Variants in CDKAL1 observed in about 807,000 individuals in gnomAD.
The protein encoded by CDKAL1 is CDKAL1 threonylcarbamoyladenosine tRNA methylthiotransferase.
A neutral mutation model predicts 68.2 loss-of-function variants in CDKAL1; 32 were observed. The ratio of observed to expected loss-of-function variants is 0.47; its 90% CI spans 0.35 to 0.63. CDKAL1 has a LOEUF of 0.63. Ranked by LOEUF, CDKAL1 falls within the 30% of genes least tolerant of loss-of-function variation. The probability of loss-of-function intolerance (pLI) is 0.00; values close to 1 mark genes in which losing one functional copy is unlikely to be tolerated. For synonymous variants in CDKAL1, 234 were observed against 244.3 expected (o/e 0.96, Z 0.39); for missense variants, 606 against 696.7 (o/e 0.87, Z 1.47).
chr6:20,805,485 G>C (rs4607421), intron 8 of CDKAL1, among the ~76,000 whole-genome samples: 146,057 of 152,328 alleles, frequency 0.96, 70,033 homozygotes, highest in East Asian at 1. Context: ...TAAAAGCATA[G>C]TTTGAATATC....
At position 21,044,408 on chromosome 6, in the gene CDKAL1, A is replaced by G. The variant is rs1177747035; in HGVS notation, c.1056-20640A>G. Among the ~76,000 whole-genome samples, 4 of 152,134 alleles carry G rather than the reference A, an allele frequency of 2.6e-5. No individual in the cohort carries two copies. In the East Asian group the frequency reaches 7.7e-4, roughly 29 times the overall value. On this transcript the variant is annotated intron_variant, in intron 11 of 15. Transcript: ENST00000274695. ...TTAACTCAAGCCTTCATTCTAATAGACTTTACCACTCTGATACCTGGCTGG... is the reference window on the plus strand; with the variant it reads ...TTAACTCAAGCCTTCATTCTAATAGGCTTTACCACTCTGATACCTGGCTGG...
At position 20,578,195 on chromosome 6, in the gene CDKAL1, A is replaced by G. The variant is rs1014461463; in HGVS notation, c.286+29490A>G. On this transcript the variant is annotated intron_variant, in intron 4 of 15. Coordinates refer to ENST00000274695, the MANE Select transcript of CDKAL1 (RefSeq NM_017774.3). ...ATTTTTAAAAATTCAGGTATAATTT[A>G]TATCCAATAAAATGCATAGATCTTA... Among the ~76,000 whole-genome samples the G allele has an allele frequency of 2.6e-5, 4 of 152,334 alleles. No individual in the cohort carries two copies. In the East Asian group the frequency reaches 5.8e-4, roughly 22 times the overall value.
chr6:21,188,008 A>G (rs928962349), intron 13 of CDKAL1, among the ~76,000 whole-genome samples: 1 of 152,180 alleles, frequency 6.6e-6, no homozygotes, highest in Non-Finnish European at 1.5e-5. Flanking sequence ...CTTTTTTCAC[A>G]TATGTGCTGT....
intron 11 of CDKAL1, among the ~76,000 whole-genome samples, chr6:21,042,649 C>G (rs1769995995): frequency 6.6e-6 from 1 of 152,172 alleles, no homozygotes; most frequent in Admixed American, 6.6e-5. Context: ...GCCCCACTGT[C>G]ACTATCCTAT....
chr6:20,917,507 C>T (rs1232437461), intron 9 of CDKAL1, among the ~76,000 whole-genome samples: 1 of 152,048 alleles, frequency 6.6e-6, no homozygotes, highest in Non-Finnish European at 1.5e-5. Flanking sequence ...ATATTTATAT[C>T]ACACATTTTT....
chr6:21,185,404 T>G (rs1777969017), intron 13 of CDKAL1, among the ~76,000 whole-genome samples: 1 of 152,212 alleles, frequency 6.6e-6, no homozygotes, highest in Admixed American at 6.5e-5. Context: ...TGCTTAAAGC[T>G]TTTATCTTTG....
chr6:20,545,612 T>C (rs1304246316), intron 2 of CDKAL1, among the ~76,000 whole-genome samples: 1 of 152,082 alleles, frequency 6.6e-6, no homozygotes, highest in Non-Finnish European at 1.5e-5. Flanking sequence ...AATTTTGTAC[T>C]TTTAAAAGAG....
intron 9 of CDKAL1, among the ~76,000 whole-genome samples, chr6:20,878,369 A>G (rs1760640414): frequency 6.6e-6 from 1 of 152,086 alleles, no homozygotes; most frequent in Non-Finnish European, 1.5e-5. Context: ...CACAGAACCT[A>G]CCCTGCCTTT....
chr6:20,783,998 A>G (rs1775546623), intron 8 of CDKAL1, among the ~76,000 whole-genome samples: 1 of 152,096 alleles, frequency 6.6e-6, no homozygotes, highest in African/African-American at 2.4e-5. Flanking sequence ...ATGGATCATG[A>G]GGGCAGGAGA....
At chr6:20,664,409 C>T (rs1769432007) in intron 5 of CDKAL1, among the ~76,000 whole-genome samples, 1 of 152,142 alleles carries the variant, frequency 6.6e-6, no homozygotes, top group Non-Finnish European at 1.5e-5. Flanking sequence ...CTTTCCAGCT[C>T]ATAAATTTCG....
At chr6:20,790,524 G>T (rs1775854792) in intron 8 of CDKAL1, among the ~76,000 whole-genome samples, 1 of 152,086 alleles carries the variant, frequency 6.6e-6, no homozygotes, top group Non-Finnish European at 1.5e-5. Flanking sequence ...ATTTTTCGTG[G>T]CCACTTTGCC....
rs967178505 is a variant in CDKAL1 at position 20,785,319 on chromosome 6, T to C, written c.638+4054T>C. ...ATTAGCTTGGATTTCTTTTTCTTTT[T>C]TTTTTTTTTTTTTTGAGATGGAGTC... On this transcript the variant is annotated intron_variant, in intron 8 of 15. Transcript: ENST00000274695. Among the ~76,000 whole-genome samples the C allele has an allele frequency of 7.2e-4, 106 of 148,170 alleles. 1 individual carries two copies. Among genetic ancestry groups the C allele is most frequent in the African/African-American group, 1.8e-3 (74 of 40,480 alleles).
chr6:20,814,893 A>G (rs911323310), intron 8 of CDKAL1, among the ~76,000 whole-genome samples: 1 of 152,116 alleles, frequency 6.6e-6, no homozygotes, highest in African/African-American at 2.4e-5. Context: ...ATGATAGCTG[A>G]ACTATTTTTA....
intron 13 of CDKAL1, among the ~76,000 whole-genome samples, chr6:21,144,398 C>G (rs1197347486): frequency 1.3e-5 from 2 of 152,142 alleles, no homozygotes; most frequent in African/African-American, 4.8e-5. Context: ...ATGCTAAATA[C>G]TGTGCTGTGG....
At position 21,041,435 on chromosome 6, in the gene CDKAL1, A is replaced by T. The variant is rs75561092; in HGVS notation, c.1056-23613A>T. On this transcript the variant is annotated intron_variant, in intron 11 of 15. Coordinates refer to ENST00000274695, the MANE Select transcript of CDKAL1 (RefSeq NM_017774.3). ...TTGGAAATATGCACACCATCAGCAG[A>T]TGTAAATTTGTAAAAAGTAATCGAA... 4.4e-4 allele frequency among the ~76,000 whole-genome samples: 67 copies of T among 152,322 alleles called. No individual in the cohort carries two copies. The East Asian group carries it at 7.5e-3, about 17-fold the overall frequency.
intron 9 of CDKAL1, among the ~76,000 whole-genome samples, chr6:20,859,693 C>T (rs1159134378): frequency 6.6e-6 from 1 of 152,190 alleles, no homozygotes; most frequent in Non-Finnish European, 1.5e-5. Flanking sequence ...GAAGATTAAG[C>T]AGTGGCTTCT....
chr6:20,859,724 T>C (rs1356099509), intron 9 of CDKAL1, among the ~76,000 whole-genome samples: 1 of 152,214 alleles, frequency 6.6e-6, no homozygotes, highest in Non-Finnish European at 1.5e-5. Flanking sequence ...AGAACTTGAG[T>C]AGGGCCAGAA....
At chr6:21,004,991 A>G (rs1301970049) in intron 11 of CDKAL1, among the ~76,000 whole-genome samples, 2 of 152,166 alleles carry the variant, frequency 1.3e-5, no homozygotes, top group Admixed American at 6.5e-5. Flanking sequence ...GTATTTTAAA[A>G]TATGTATCTT....
chr6:20,849,102 T>G (rs1204790200), intron 9 of CDKAL1, among the ~76,000 whole-genome samples: 2 of 144,116 alleles, frequency 1.4e-5, no homozygotes, highest in Non-Finnish European at 2.9e-5. Flanking sequence ...TTTTAAGTCC[T>G]CAAGTACTTG....
Sources: allele counts gnomAD v4.1 joint callset (sites outside exome capture counted in the v4.1 genomes callset), GRCh38; gene constraint gnomAD v4.1.1; transcripts MANE v1.5; gene names NCBI Gene and HGNC (gene_info 2026-07-23, HGNC 2026-07-21).